The following PRKX variants were observed in gnomAD, a reference collection of about 807,000 sequenced individuals.
The protein encoded by PRKX is cAMP-dependent protein kinase catalytic subunit PRKX.
A neutral mutation model predicts 22.0 loss-of-function variants in PRKX; 12 were observed. The observed-to-expected ratio is 0.54, with a 90% CI of 0.35 to 0.88. The LOEUF is 0.88. PRKX is among the 40% of genes least tolerant of loss of function. PRKX has a pLI of 0.01. For missense variants in PRKX, 217 were observed against 308.0 expected, an observed-to-expected ratio of 0.70 and a Z score of 2.21; for synonymous variants, 134 against 137.7, an observed-to-expected ratio of 0.97 and a Z score of 0.19.
rs1569227991 is a variant in PRKX, at chrX:3,607,194, CATG to C, written c.*1772_*1774del. ...ATGATTTATTTTTATAGTCAGCAAA[CATG>C]AGACTTAAAAGCTTTTCCTTCTAGC... On this transcript the variant is annotated 3_prime_UTR_variant, in exon 9 of 9. Transcript: ENST00000262848. The C allele has an allele frequency of 8.9e-6, 1 of 111,959 alleles. No homozygotes were observed. The highest frequency in any genetic ancestry group is 3.2e-5 in the African/African-American group (1 of 30,783). 9.2% of individuals were successfully genotyped at this position (111,959 alleles called of 1,213,427 possible).
intron 3 of PRKX, among the ~76,000 whole-genome samples, chrX:3,649,075 C>T (rs755270571): frequency 9.0e-6 from 1 of 111,512 alleles, no homozygotes; most frequent in Admixed American, 9.5e-5. Context: ...ATCTGAAATC[C>T]CAAATGCTCC....
chrX:3,633,167 C>A (rs753120471), intron 4 of PRKX, among the ~76,000 whole-genome samples: 1 of 108,900 alleles, frequency 9.2e-6, no homozygotes, highest in East Asian at 2.9e-4. Flanking sequence ...GCAGGAGGAT[C>A]GCTTGAGCCC....
At chrX:3,623,221 A>AT (rs1196348321) in intron 5 of PRKX, among the ~76,000 whole-genome samples, 5 of 105,657 alleles carry the variant, frequency 4.7e-5, no homozygotes, top group African/African-American at 1.7e-4. Context: ...ATGACCTTGA[A>AT]TTTTTTTTTA....
chrX:3,628,818 G>C (rs188264917), intron 4 of PRKX, among the ~76,000 whole-genome samples: 4 of 111,045 alleles, frequency 3.6e-5, no homozygotes, highest in Non-Finnish European at 7.6e-5. Flanking sequence ...AGGCAGGCAG[G>C]TCACTTTAGG....
intron 1 of PRKX, among the ~76,000 whole-genome samples, chrX:3,677,025 C>T (rs778616323): frequency 2.9e-4 from 32 of 111,405 alleles, no homozygotes; most frequent in South Asian, 2.3e-3. Flanking sequence ...GGTATGTCTT[C>T]ATTAACAGCA....
intron 1 of PRKX, among the ~76,000 whole-genome samples, chrX:3,689,813 TA>T (rs1248928841): frequency 3.6e-5 from 4 of 111,131 alleles, no homozygotes; most frequent in African/African-American, 9.8e-5. Flanking sequence ...CTGTCTCCAC[TA>T]AAAATACAAA....
chrX:3,648,294 A>G (rs1342090509), intron 3 of PRKX, among the ~76,000 whole-genome samples: 1 of 111,672 alleles, frequency 9.0e-6, no homozygotes, highest in Non-Finnish European at 1.9e-5. Context: ...CTTTATTAAC[A>G]GACACATAGG....
chrX:3,639,165 A>G, intron 4 of PRKX, among the ~76,000 whole-genome samples: 1 of 22,646 alleles, frequency 4.4e-5, no homozygotes. Flanking sequence ...GGATGGATGG[A>G]TGAAGGGGTG....
At chrX:3,617,068 A>G (rs1926437007) in intron 6 of PRKX, among the ~76,000 whole-genome samples, 1 of 111,059 alleles carries the variant, frequency 9.0e-6, no homozygotes, top group Non-Finnish European at 1.9e-5. Flanking sequence ...ACACATACTT[A>G]TAGACATACA....
chrX:3,698,681 C>T (rs1441310739), intron 1 of PRKX, among the ~76,000 whole-genome samples: 1 of 108,395 alleles, frequency 9.2e-6, no homozygotes, highest in Non-Finnish European at 1.9e-5. Flanking sequence ...CTCCGCCTTC[C>T]GGGTTGAAGC....
intron 1 of PRKX, among the ~76,000 whole-genome samples, chrX:3,702,265 T>A (rs1387043519): frequency 1.8e-5 from 2 of 112,808 alleles, no homozygotes; most frequent in Non-Finnish European, 3.7e-5. Flanking sequence ...GCCCTAAGCA[T>A]GACAAAGCAC....
At chrX:3,686,490 C>T (rs1159823159) in intron 1 of PRKX, among the ~76,000 whole-genome samples, 2 of 107,901 alleles carry the variant, frequency 1.9e-5, no homozygotes, top group African/African-American at 3.4e-5. Context: ...TCCACCTCAG[C>T]GCCCCAAAGT....
intron 1 of PRKX, among the ~76,000 whole-genome samples, chrX:3,689,706 G>A (rs764873192): frequency 5.4e-4 from 60 of 111,805 alleles, no homozygotes; most frequent in Non-Finnish European, 6.4e-4. Flanking sequence ...GGCTGGGCGC[G>A]GTGGCTCACA....
chrX:3,686,423 C>G (rs6641850), intron 1 of PRKX, among the ~76,000 whole-genome samples: 15,992 of 101,508 alleles, frequency 0.16, 1,049 homozygotes, highest in East Asian at 0.39. Context: ...TTTTTTTGGA[C>G]ATGGGGTCTC....
chrX:3,707,060 G>A (rs1928700032), intron 1 of PRKX, among the ~76,000 whole-genome samples: 1 of 111,880 alleles, frequency 8.9e-6, no homozygotes, highest in Non-Finnish European at 1.9e-5. Context: ...CTGGGAGGTC[G>A]AGGCTGCAGT....
intron 4 of PRKX, among the ~76,000 whole-genome samples, chrX:3,632,888 T>G (rs894466673): frequency 2.7e-5 from 3 of 112,544 alleles, no homozygotes; most frequent in African/African-American, 9.7e-5. Context: ...AATCTGCTAA[T>G]CAGCATGAAT....
chrX:3,653,678 AATAT>A (rs1179036539), intron 3 of PRKX, among the ~76,000 whole-genome samples: 5 of 67,874 alleles, frequency 7.4e-5, no homozygotes, highest in Non-Finnish European at 1.3e-4. Flanking sequence ...TGATATATAT[AATAT>A]ATATAATATA....
intron 2 of PRKX, among the ~76,000 whole-genome samples, chrX:3,658,718 C>T (rs955819797): frequency 9.0e-6 from 1 of 110,727 alleles, no homozygotes; most frequent in African/African-American, 3.3e-5. Context: ...GACCAGGACC[C>T]GTGCCAGTTT....
intron 3 of PRKX, among the ~76,000 whole-genome samples, chrX:3,654,467 T>G (rs1927434449): frequency 2.4e-5 from 2 of 82,849 alleles, no homozygotes; most frequent in Non-Finnish European, 4.8e-5. Flanking sequence ...GTTTTTTTTT[T>G]TTTTTTTTTT....
Sources: allele counts gnomAD v4.1 joint callset (sites outside exome capture counted in the v4.1 genomes callset), GRCh38; gene constraint gnomAD v4.1.1; transcripts MANE v1.5; gene names NCBI Gene and HGNC (gene_info 2026-07-23, HGNC 2026-07-21).